EDARADD: variants seen among roughly 807,000 people sequenced by gnomAD.
EDARADD encodes the protein EDAR associated via death domain.
A neutral mutation model predicts 25.6 loss-of-function variants in EDARADD; 20 were observed. That is an observed-to-expected ratio of 0.78 (90% CI 0.55 to 1.14). EDARADD has a LOEUF of 1.14. EDARADD is among the 50% of genes most tolerant of loss of function. The pLI is 0.00. For missense variants in EDARADD, 225 were observed against 270.1 expected, an observed-to-expected ratio of 0.83 and a Z score of 1.17; for synonymous variants, 86 against 94.4, an observed-to-expected ratio of 0.91 and a Z score of 0.52.
At position 236,381,325 on chromosome 1, in the gene EDARADD, ATTTTTTATTTTT is replaced by A. The variant is rs566645834; in HGVS notation, c.-5-27890_-5-27879del. Among the ~76,000 whole-genome samples, 139 of 151,472 alleles carry A rather than the reference ATTTTTTATTTTT, an allele frequency of 9.2e-4. 1 individual carries two copies. The highest frequency in any genetic ancestry group is 3.3e-3 in the African/African-American group (135 of 41,384). ...TTCATTTTTATTTTTATTTTATTTTATTTTTTATTTTTATTTACTTTTTTATTATTATCATAC... is the reference window on the plus strand; with the variant it reads ...TTCATTTTTATTTTTATTTTATTTTAATTTACTTTTTTATTATTATCATAC... On this transcript the variant is annotated intron_variant, in intron 3 of 7. Transcript: ENST00000439430.
At chr1:236,393,676 T>C (rs1329414062), upstream of EDARADD, among the ~76,000 whole-genome samples, 1 of 152,120 alleles carries the variant, frequency 6.6e-6, no homozygotes, top group East Asian at 1.9e-4. Context: ...GGGTTACAGG[T>C]GTGAGCCACT....
At chr1:236,406,808 C>G (rs867127509) in intron 1 of EDARADD, among the ~76,000 whole-genome samples, 1 of 152,232 alleles carries the variant, frequency 6.6e-6, no homozygotes, top group Non-Finnish European at 1.5e-5. Context: ...CCCACCCCTC[C>G]TCTCTCCGGG....
At position 236,484,708 on chromosome 1, in the gene EDARADD, GAAAAAAAA is replaced by G; in HGVS notation, c.*2071_*2078del. The G allele has an allele frequency of 6.7e-6, 1 of 148,424 alleles. No individual in the cohort carries two copies. The highest frequency in any genetic ancestry group is 1.3e-5 in the Non-Finnish European group (1 of 75,808). 9.2% of individuals were successfully genotyped at this position (148,424 alleles called of 1,614,324 possible). ...GGAGACAGAGTGAGAGTCCGTCCCAGAAAAAAAAAAAAAAAAAAAGAACTTCTACAGAA... is the reference window on the plus strand; with the variant it reads ...GGAGACAGAGTGAGAGTCCGTCCCAGAAAAAAAAAAAGAACTTCTACAGAA... On this transcript the variant is annotated 3_prime_UTR_variant, in exon 6 of 6. Coordinates refer to ENST00000334232, the MANE Select transcript of EDARADD (RefSeq NM_145861.4). This position sits in a 1 kb window ranked among gnomAD's most constrained non-coding sequence, Gnocchi z 4.1.
Position 236,482,534 on chromosome 1 carries a change from A to G in EDARADD, c.533A>G (p.Gln178Arg). ...LLRNSQRTVG[Q>R]LMELCRLYHR... ...CGGAACAGTCAGAGGACGGTGGGCC[A>G]GCTGATGGAGCTCTGCAGGCTCTAC... The change falls in exon 6 of 6, where the codon CAG (glutamine) becomes CGG (arginine). Residue 178 changes from glutamine (Q) to arginine (R), a missense_variant. By Grantham distance (43) the Gln-to-Arg change is conservative. Transcript: ENST00000334232. 6.2e-7 allele frequency: 1 copy of G among 1,613,040 alleles called. No homozygotes were observed. The highest frequency in any genetic ancestry group is 8.5e-7 in the Non-Finnish European group (1 of 1,179,216).
chr1:236,405,728 T>C (rs964788573), intron 1 of EDARADD, among the ~76,000 whole-genome samples: 38 of 20,472 alleles, frequency 1.9e-3, no homozygotes, highest in Admixed American at 1.2e-3. Context: ...CCTTTCTTTT[T>C]CTTTCTTTCT....
chr1:236,356,844 G>A (rs1426132733), intron 3 of EDARADD, among the ~76,000 whole-genome samples: 1 of 152,154 alleles, frequency 6.6e-6, no homozygotes, highest in East Asian at 1.9e-4. Flanking sequence ...AGCACTTTGG[G>A]AGGCCGAGGT....
intron 3 of EDARADD, among the ~76,000 whole-genome samples, chr1:236,363,030 T>TATATATATATATATAAAA (rs796610771): frequency 6.5e-4 from 66 of 101,906 alleles, no homozygotes; most frequent in Middle Eastern, 5.4e-3. Flanking sequence ...TATATATATA[T>TATATATATATATATAAAA]ATAAAATTTG....
intron 4 of EDARADD, among the ~76,000 whole-genome samples, chr1:236,431,218 T>C (rs1658086928): frequency 1.3e-5 from 2 of 152,228 alleles, no homozygotes; most frequent in Non-Finnish European, 2.9e-5. Context: ...AAGACTAAAA[T>C]CTGCTTCTAC....
At chr1:236,404,487 T>A (rs1220645489) in intron 1 of EDARADD, among the ~76,000 whole-genome samples, 2 of 152,148 alleles carry the variant, frequency 1.3e-5, no homozygotes, top group Admixed American at 1.3e-4. Flanking sequence ...GGTCAATGAG[T>A]GTATTTGGCA....
At chr1:236,468,139 T>G in intron 4 of EDARADD, 92 bp from the exon 5 acceptor site, 34 of 1,263,486 alleles carry the variant, frequency 2.7e-5, no homozygotes, top group Non-Finnish European at 3.5e-5. Flanking sequence ...GCCCCCAGGG[T>G]TTTGGTGGAA....
intron 3 of EDARADD, among the ~76,000 whole-genome samples, chr1:236,379,098 G>A (rs746572043): frequency 2.1e-4 from 32 of 152,272 alleles, no homozygotes; most frequent in Admixed American, 6.5e-4. Context: ...AGTCGGGCGC[G>A]GTGGCTCACA....
At chr1:236,419,219 C>A (rs1406050314) in intron 3 of EDARADD, among the ~76,000 whole-genome samples, 4 of 151,672 alleles carry the variant, frequency 2.6e-5, no homozygotes, top group Admixed American at 6.6e-5. Flanking sequence ...AGACTCCTAT[C>A]GCTCCAAAAA....
In EDARADD at chr1:236,381,268, G is replaced by T. The variant is rs932287311; in HGVS notation, c.-5-27948G>T. ...GTATCAATAGTTTGTTCCTTTTATT[G>T]GTAAGTAGTATTCCATTCTAAAGAT... On this transcript the variant is annotated intron_variant, in intron 3 of 7. Transcript: ENST00000439430. 2.0e-5 allele frequency among the ~76,000 whole-genome samples: 3 copies of T among 151,260 alleles called. No homozygotes were observed. The South Asian group carries it at 6.3e-4, about 32-fold the overall frequency.
chr1:236,399,216 C>T (rs1667573041), intron 1 of EDARADD, among the ~76,000 whole-genome samples: 1 of 152,172 alleles, frequency 6.6e-6, no homozygotes, highest in African/African-American at 2.4e-5. Context: ...GAATCTCACT[C>T]TGTTGCCCAG....
chr1:236,481,580 T>C (rs1192912493), intron 5 of EDARADD, among the ~76,000 whole-genome samples: 1 of 139,720 alleles, frequency 7.2e-6, no homozygotes, highest in Non-Finnish European at 1.5e-5. Flanking sequence ...CTGGGAAACA[T>C]GGTGAAACCC....
chr1:236,421,990 A>G (rs1224982045), intron 3 of EDARADD, among the ~76,000 whole-genome samples: 1 of 152,236 alleles, frequency 6.6e-6, no homozygotes, highest in Admixed American at 6.5e-5. Context: ...TGAGATGGTC[A>G]TCAAAAACAG....
intron 2 of EDARADD, among the ~76,000 whole-genome samples, chr1:236,350,529 C>T (rs748567096): frequency 2.5e-4 from 38 of 152,212 alleles, no homozygotes; most frequent in Non-Finnish European, 4.1e-4. Context: ...CCCGCCTCGG[C>T]CTCCCAAAGT....
chr1:236,474,912 C>T (rs1659461510), intron 5 of EDARADD, among the ~76,000 whole-genome samples: 1 of 152,164 alleles, frequency 6.6e-6, no homozygotes. Context: ...GCGGGTGGAT[C>T]ACTTGAGGAT....
intron 4 of EDARADD, among the ~76,000 whole-genome samples, chr1:236,448,401 T>C (rs993022809): frequency 7.9e-5 from 12 of 152,174 alleles, no homozygotes; most frequent in African/African-American, 2.7e-4. Context: ...TGAAGTTGAA[T>C]TGGGCAGCCT....
Sources: allele counts gnomAD v4.1 joint callset (sites outside exome capture counted in the v4.1 genomes callset), GRCh38; gene constraint gnomAD v4.1.1; non-coding constraint Gnocchi (gnomAD v3.1); transcripts MANE v1.5; gene names NCBI Gene and HGNC (gene_info 2026-07-23, HGNC 2026-07-21).